The following DGKB variants were observed in gnomAD, a reference collection of about 807,000 sequenced individuals.
The protein encoded by DGKB is 90 kDa diacylglycerol kinase.
In DGKB, 67 loss-of-function variants were observed where a neutral mutation model predicts 114.3. The ratio of observed to expected loss-of-function variants is 0.59; its 90% confidence interval spans 0.48 to 0.72. The LOEUF is 0.72. DGKB is among the 30% of genes least tolerant of loss of function. DGKB has a pLI of 0.00. For missense variants in DGKB, 907 were observed against 975.2 expected, an observed-to-expected ratio of 0.93 and a Z score of 0.93; for synonymous variants, 398 against 323.1, an observed-to-expected ratio of 1.23 and a Z score of -2.49.
intron 1 of DGKB, among the ~76,000 whole-genome samples, chr7:14,886,478 C>A (rs1351554760): frequency 6.6e-6 from 1 of 151,848 alleles, no homozygotes; most frequent in African/African-American, 2.4e-5. Context: ...CGAACTCTCT[C>A]TCTCAAATGG....
chr7:14,375,562 C>T (rs900612237), intron 21 of DGKB, among the ~76,000 whole-genome samples: 1 of 152,194 alleles, frequency 6.6e-6, no homozygotes, highest in Non-Finnish European at 1.5e-5. Flanking sequence ...GCTGTTCCCT[C>T]TGCTGGGAAG....
chr7:14,211,050 C>T (rs980241371), intron 23 of DGKB, among the ~76,000 whole-genome samples: 4 of 152,056 alleles, frequency 2.6e-5, no homozygotes, highest in African/African-American at 9.7e-5. Flanking sequence ...TGAAGGTGTT[C>T]TTTCACAATC....
chr7:14,643,173 C>T (rs552530722), intron 13 of DGKB, among the ~76,000 whole-genome samples: 34 of 152,206 alleles, frequency 2.2e-4, no homozygotes, highest in African/African-American at 8.2e-4. Flanking sequence ...AAGCAGCTAG[C>T]CAGGATCAGC....
intron 23 of DGKB, among the ~76,000 whole-genome samples, chr7:14,323,625 A>G (rs1808216022): frequency 6.6e-6 from 1 of 152,220 alleles, no homozygotes; most frequent in South Asian, 2.1e-4. Flanking sequence ...AAGATCTGAG[A>G]TAAGAATATT....
chr7:14,321,020 G>A (rs1010943719), intron 23 of DGKB, among the ~76,000 whole-genome samples: 1 of 152,166 alleles, frequency 6.6e-6, no homozygotes, highest in Non-Finnish European at 1.5e-5. Flanking sequence ...GCCAGGAAAG[G>A]TGGCTCATGC....
At chr7:14,389,213 A>G (rs752766926) in intron 21 of DGKB, among the ~76,000 whole-genome samples, 1 of 152,060 alleles carries the variant, frequency 6.6e-6, no homozygotes, top group Non-Finnish European at 1.5e-5. Context: ...TTTGTGTGGG[A>G]CCGAGGAATC....
chr7:14,942,269 T>C (rs1203855282), intron 1 of DGKB, among the ~76,000 whole-genome samples: 2 of 151,942 alleles, frequency 1.3e-5, no homozygotes, highest in African/African-American at 2.4e-5. Context: ...CTTCATCCCT[T>C]TTCAAAAGAA....
intron 23 of DGKB, among the ~76,000 whole-genome samples, chr7:14,194,825 TTCTGAACTCCTTTA>T (rs1160867226): frequency 1.3e-5 from 2 of 152,104 alleles, no homozygotes; most frequent in East Asian, 3.9e-4. Flanking sequence ...TATGCTAAAA[TTCTGAACTCCTTTA>T]AACGAGTCTA....
At chr7:14,430,531 T>C (rs1194736208) in intron 21 of DGKB, among the ~76,000 whole-genome samples, 1 of 152,206 alleles carries the variant, frequency 6.6e-6, no homozygotes, top group African/African-American at 2.4e-5. Flanking sequence ...ATTTAAAATT[T>C]CAAATTTCTA....
chr7:14,259,547 C>T (rs762081725), intron 23 of DGKB, among the ~76,000 whole-genome samples: 1 of 152,108 alleles, frequency 6.6e-6, no homozygotes, highest in Non-Finnish European at 1.5e-5. Context: ...CTGCCTCAGC[C>T]TCCCATGTAG....
At chr7:14,697,682 A>G (rs1824204131) in intron 8 of DGKB, among the ~76,000 whole-genome samples, 1 of 148,090 alleles carries the variant, frequency 6.8e-6, no homozygotes, top group Non-Finnish European at 1.5e-5. Context: ...GAAAGAAAAG[A>G]AAAGGAAGGA....
At chr7:14,458,663 C>T (rs73070031) in intron 21 of DGKB, among the ~76,000 whole-genome samples, 15,629 of 152,146 alleles carry the variant, frequency 0.1, 1,055 homozygotes, top group Non-Finnish European at 0.15. Flanking sequence ...TGGTGCATCC[C>T]GGCCCAGATA....
chr7:14,897,264 A>G (rs1344023958), intron 1 of DGKB, among the ~76,000 whole-genome samples: 1 of 151,936 alleles, frequency 6.6e-6, no homozygotes, highest in Non-Finnish European at 1.5e-5. Context: ...TTGAAATTAG[A>G]ATTTAAAATT....
intron 2 of DGKB, among the ~76,000 whole-genome samples, chr7:14,776,186 T>A (rs1350833588): frequency 6.6e-6 from 1 of 152,130 alleles, no homozygotes; most frequent in African/African-American, 2.4e-5. Context: ...ATGTATCTGA[T>A]GGAAAAAATT....
Position 14,607,673 on chromosome 7 carries a change from C to T in DGKB, c.1359-165G>A, listed in dbSNP as rs189516021. 6.6e-5 allele frequency among the ~76,000 whole-genome samples: 10 copies of T among 151,824 alleles called. No individual in the cohort carries two copies. The East Asian group carries it at 1.9e-3, about 29-fold the overall frequency. ...TTTTGAATCAATATCAGAAGTCCAA[C>T]AGCTCAATAGGAATTAATGGTTTTT... On this transcript the variant is annotated intron_variant, in intron 16 of 25. Coordinates refer to ENST00000402815, the MANE Select transcript of DGKB (RefSeq NM_001350709.2).
intron 23 of DGKB, among the ~76,000 whole-genome samples, chr7:14,325,703 T>G (rs968269161): frequency 2.0e-5 from 3 of 152,034 alleles, no homozygotes; most frequent in Admixed American, 1.3e-4. Context: ...CATAATATGG[T>G]TTTTTTACAA....
intron 1 of DGKB, among the ~76,000 whole-genome samples, chr7:14,885,618 C>T (rs565515367): frequency 6.6e-6 from 1 of 151,880 alleles, no homozygotes; most frequent in East Asian, 1.9e-4. Context: ...GGATGGGGCA[C>T]AGTTAAAAAT....
chr7:14,452,294 A>G (rs536098268), intron 21 of DGKB, among the ~76,000 whole-genome samples: 33 of 152,232 alleles, frequency 2.2e-4, no homozygotes, highest in African/African-American at 7.5e-4. Flanking sequence ...TAGGTTTCTC[A>G]GAATGTAAAA....
chr7:14,899,644 G>A (rs1277119271), intron 1 of DGKB, among the ~76,000 whole-genome samples: 1 of 151,962 alleles, frequency 6.6e-6, no homozygotes, highest in East Asian at 1.9e-4. Context: ...ATGTCCCCAT[G>A]TTCATTTTCA....
Sources: gnomAD v4.1 joint callset for allele counts (sites outside exome capture counted in the v4.1 genomes callset) on GRCh38, gnomAD v4.1.1 for gene constraint, MANE v1.5 for transcripts, NCBI Gene and HGNC (gene_info 2026-07-23, HGNC 2026-07-21) for gene names.